Variants in TLL1 observed in about 807,000 individuals in gnomAD.
The protein encoded by TLL1 is tolloid-like protein 1.
A neutral mutation model predicts 128.2 loss-of-function variants in TLL1; 49 were observed. That is an observed-to-expected ratio of 0.38 (90% CI 0.30 to 0.48). The LOEUF (loss-of-function observed/expected upper bound fraction) is 0.48. TLL1 is among the 20% of genes least tolerant of loss of function. The pLI is 0.96. For missense variants in TLL1, 1,123 were observed against 1,242.0 expected (o/e 0.90, Z 1.44); for synonymous variants, 454 against 418.8 (o/e 1.08, Z -1.03).
chr4:166,019,667 G>T (rs1437427067), intron 8 of TLL1, among the ~76,000 whole-genome samples: 1 of 152,032 alleles, frequency 6.6e-6, no homozygotes, highest in Non-Finnish European at 1.5e-5. Context: ...GTCCAAGAGG[G>T]CAAGTTTCTA....
chr4:165,902,977 T>C (rs1732070468), intron 1 of TLL1, among the ~76,000 whole-genome samples: 1 of 152,232 alleles, frequency 6.6e-6, no homozygotes, highest in Admixed American at 6.5e-5. Flanking sequence ...TGATAAATTA[T>C]ACTTCATCAA....
chr4:165,995,729 T>A (rs567109524), intron 5 of TLL1, among the ~76,000 whole-genome samples: 1 of 152,274 alleles, frequency 6.6e-6, no homozygotes, highest in East Asian at 1.9e-4. Context: ...ACTTCCTCCA[T>A]CTTATCTATT....
chr4:166,014,213 CAA>C (rs1245658185), intron 7 of TLL1, among the ~76,000 whole-genome samples: 2 of 151,920 alleles, frequency 1.3e-5, no homozygotes, highest in East Asian at 3.9e-4. Flanking sequence ...TTCAAGGAAA[CAA>C]ATGAATGTCA....
intron 1 of TLL1, among the ~76,000 whole-genome samples, chr4:165,885,583 AAAAC>A (rs1372173971): frequency 1.3e-5 from 2 of 151,198 alleles, no homozygotes; most frequent in African/African-American, 2.5e-5. Context: ...ATTACTTCTG[AAAAC>A]AAACAAACAA....
intron 1 of TLL1, among the ~76,000 whole-genome samples, chr4:165,876,368 T>C (rs898998216): frequency 5.3e-5 from 8 of 150,592 alleles, no homozygotes; most frequent in Admixed American, 4.6e-4. Context: ...ATAAGGAAGA[T>C]GGGGACGGGT....
chr4:165,954,818 A>G (rs769667341), intron 1 of TLL1, among the ~76,000 whole-genome samples: 11 of 152,138 alleles, frequency 7.2e-5, no homozygotes, highest in Non-Finnish European at 1.5e-4. Context: ...ATTGACAGCA[A>G]CTTCACAAAG....
intron 1 of TLL1, among the ~76,000 whole-genome samples, chr4:165,972,389 C>A (rs191995227): frequency 7.2e-5 from 11 of 152,180 alleles, no homozygotes; most frequent in Admixed American, 7.2e-4. Flanking sequence ...ATATTCTTTT[C>A]ATGATGCTAC....
chr4:166,037,573 T>C (rs1178525890), intron 9 of TLL1, among the ~76,000 whole-genome samples: 1 of 152,146 alleles, frequency 6.6e-6, no homozygotes, highest in Non-Finnish European at 1.5e-5. Context: ...TTTGGGAGGC[T>C]GAGGCTGGTG....
intron 12 of TLL1, among the ~76,000 whole-genome samples, chr4:166,054,754 AT>A (rs1212420217): frequency 6.6e-6 from 1 of 151,908 alleles, no homozygotes; most frequent in Admixed American, 6.6e-5. Flanking sequence ...TTAATTTTGG[AT>A]TTTTTTCAGC....
At chr4:165,889,625 T>G (rs1362320891) in intron 1 of TLL1, among the ~76,000 whole-genome samples, 1 of 152,242 alleles carries the variant, frequency 6.6e-6, no homozygotes, top group Non-Finnish European at 1.5e-5. Flanking sequence ...TCTTTAACTT[T>G]GTGGAACAGC....
intron 12 of TLL1, among the ~76,000 whole-genome samples, chr4:166,046,463 T>G (rs1739464999): frequency 6.6e-6 from 1 of 152,150 alleles, no homozygotes; most frequent in African/African-American, 2.4e-5. Flanking sequence ...ATCACACTGG[T>G]GAGTACTAAA....
At chr4:165,928,026 A>G (rs534004019) in intron 1 of TLL1, among the ~76,000 whole-genome samples, 8 of 152,264 alleles carry the variant, frequency 5.3e-5, no homozygotes, top group Admixed American at 3.9e-4. Context: ...TAAGCTTTTC[A>G]GAGTGATTTC....
chr4:165,938,864 A>C (rs1733877394), intron 1 of TLL1, among the ~76,000 whole-genome samples: 1 of 149,420 alleles, frequency 6.7e-6, no homozygotes, highest in African/African-American at 2.5e-5. Flanking sequence ...TAAGTATTTT[A>C]CTTTAAGTTA....
chr4:166,075,962 T>G (rs1741003864), intron 17 of TLL1, among the ~76,000 whole-genome samples: 1 of 152,218 alleles, frequency 6.6e-6, no homozygotes, highest in African/African-American at 2.4e-5. Flanking sequence ...GGAATTTTTC[T>G]TTCTCTGCTT....
chr4:166,055,715 A>G (rs1255271166), intron 13 of TLL1, among the ~76,000 whole-genome samples: 1 of 152,144 alleles, frequency 6.6e-6, no homozygotes, highest in Non-Finnish European at 1.5e-5. Context: ...CTGGTATCTC[A>G]AATGTCTTTT....
chr4:166,097,868 C>T (rs1393320629), intron 19 of TLL1, among the ~76,000 whole-genome samples: 3 of 152,064 alleles, frequency 2.0e-5, no homozygotes, highest in Non-Finnish European at 4.4e-5. Context: ...ACTCCTGCTT[C>T]CCGGAAACTC....
chr4:165,998,593 A>G (rs1163047126), intron 5 of TLL1, among the ~76,000 whole-genome samples: 1 of 151,960 alleles, frequency 6.6e-6, no homozygotes, highest in Non-Finnish European at 1.5e-5. Context: ...GGAGCTCAAG[A>G]CCATCCTGGC....
At chr4:166,009,813 T>C (rs1737603045) in intron 7 of TLL1, among the ~76,000 whole-genome samples, 1 of 151,466 alleles carries the variant, frequency 6.6e-6, no homozygotes, top group South Asian at 2.1e-4. Context: ...ATTTCTTTTT[T>C]TTTCAATTAT....
intron 1 of TLL1, among the ~76,000 whole-genome samples, chr4:165,912,433 C>A (rs770097367): frequency 1.3e-5 from 2 of 152,204 alleles, no homozygotes; most frequent in African/African-American, 4.8e-5. Flanking sequence ...TGGTTTCCTA[C>A]TCAGTGTCCG....
Sources: allele counts gnomAD v4.1 joint callset (sites outside exome capture counted in the v4.1 genomes callset), GRCh38; gene constraint gnomAD v4.1.1; transcripts MANE v1.5; gene names NCBI Gene and HGNC (gene_info 2026-07-23, HGNC 2026-07-21).